The following STXBP6 variants were observed in gnomAD, a reference collection of about 807,000 sequenced individuals.
STXBP6 encodes the protein syntaxin binding protein 6.
A neutral mutation model predicts 26.9 loss-of-function variants in STXBP6; 21 were observed. The observed-to-expected ratio is 0.78, with a 90% CI of 0.55 to 1.12. The LOEUF (loss-of-function observed/expected upper bound fraction) is 1.12. Ranked by LOEUF, STXBP6 falls within the 50% of genes most tolerant of loss-of-function variation. The pLI, the probability that STXBP6 is intolerant of heterozygous loss-of-function variation, is 0.00. For synonymous variants in STXBP6, 97 were observed against 92.6 expected (o/e 1.05, Z -0.27); for missense variants, 232 against 257.9 (o/e 0.90, Z 0.69).
chr14:24,854,642 G>A (rs2069264080), intron 4 of STXBP6, among the ~76,000 whole-genome samples: 3 of 152,048 alleles, frequency 2.0e-5, no homozygotes, highest in Admixed American at 2.0e-4. Context: ...TGAAAATGTG[G>A]CCCTCTGTGG....
At chr14:25,016,207 T>G (rs1360974440) in intron 1 of STXBP6, among the ~76,000 whole-genome samples, 2 of 152,190 alleles carry the variant, frequency 1.3e-5, no homozygotes, top group Non-Finnish European at 2.9e-5. Context: ...ATTCTTCTTT[T>G]TCACCCAAGG....
intron 2 of STXBP6, among the ~76,000 whole-genome samples, chr14:24,943,626 T>G (rs563138465): frequency 2.6e-5 from 4 of 152,348 alleles, no homozygotes; most frequent in African/African-American, 7.2e-5. Flanking sequence ...AGGAGGACAT[T>G]TGAAAACATA....
chr14:24,939,706 G>A (rs2072734251), intron 2 of STXBP6, among the ~76,000 whole-genome samples: 1 of 152,084 alleles, frequency 6.6e-6, no homozygotes, highest in South Asian at 2.1e-4. Flanking sequence ...ATAGCCACAT[G>A]GAAAACTACA....
chr14:24,829,275 C>T (rs933449917), intron 4 of STXBP6, among the ~76,000 whole-genome samples: 7 of 152,098 alleles, frequency 4.6e-5, no homozygotes, highest in Non-Finnish European at 8.8e-5. Context: ...TTGCATATGT[C>T]TTGTCTGTTT....
intron 2 of STXBP6, among the ~76,000 whole-genome samples, chr14:24,952,952 A>G (rs1029425327): frequency 3.3e-5 from 5 of 152,196 alleles, no homozygotes; most frequent in African/African-American, 1.2e-4. Context: ...ATACAAAGAC[A>G]TGTTCCTGCT....
chr14:24,996,035 G>A (rs1431048467), intron 1 of STXBP6, among the ~76,000 whole-genome samples: 1 of 152,108 alleles, frequency 6.6e-6, no homozygotes, highest in Non-Finnish European at 1.5e-5. Context: ...ATAAATTGTA[G>A]AGGGGATTCC....
At chr14:24,874,757 G>T (rs1205793153) in intron 2 of STXBP6, among the ~76,000 whole-genome samples, 1 of 152,180 alleles carries the variant, frequency 6.6e-6, no homozygotes, top group Non-Finnish European at 1.5e-5. Flanking sequence ...CCTGCTGGGG[G>T]TCTTAGACAA....
chr14:25,036,774 T>C lies in STXBP6; in HGVS notation c.-33+13104A>G, dbSNP rs1368995266. On this transcript the variant is annotated intron_variant, in intron 1 of 5. Transcript: ENST00000323944. The stretch of plus-strand genomic sequence containing the variant: ...AGGAGGCTGAGGTAGGAGAATGGCG[T>C]GAACCCAGGAGGCGGAGCTTGCAGT... 2.1e-5 allele frequency among the ~76,000 whole-genome samples: 3 copies of C among 145,370 alleles called. No individual in the cohort carries two copies. The East Asian group carries it at 6.1e-4, about 29-fold the overall frequency.
intron 1 of STXBP6, among the ~76,000 whole-genome samples, chr14:25,036,872 A>AG (rs1221877205): frequency 2.6e-5 from 4 of 151,888 alleles, no homozygotes; most frequent in East Asian, 3.9e-4. Context: ...AAAAAAAAAA[A>AG]AAAGAAATCA....
At chr14:24,880,111 C>T (rs1417253417) in intron 2 of STXBP6, among the ~76,000 whole-genome samples, 1 of 152,136 alleles carries the variant, frequency 6.6e-6, no homozygotes, top group East Asian at 1.9e-4. Flanking sequence ...TGGCATCTGT[C>T]TTCTCTCCTT....
intron 4 of STXBP6, among the ~76,000 whole-genome samples, chr14:24,829,985 G>A (rs2068409710): frequency 6.6e-6 from 1 of 152,160 alleles, no homozygotes; most frequent in African/African-American, 2.4e-5. Context: ...GACTGACTTA[G>A]AATCAGTTTG....
At position 24,809,496 on chromosome 14, in the gene STXBP6, CATTAGAACATATGTA is replaced by C. The variant is rs1188762738; in HGVS notation, c.*3198_*3212del. 2.0e-5 allele frequency among the ~76,000 whole-genome samples: 3 copies of C among 152,018 alleles called. No individual in the cohort carries two copies. The highest frequency in any genetic ancestry group is 4.4e-5 in the Non-Finnish European group (3 of 68,012). On this transcript the variant is annotated 3_prime_UTR_variant, in exon 6 of 6. Transcript: ENST00000323944. The stretch of plus-strand genomic sequence containing the variant: ...GTCTTTATTACATTCCAAGCTTTTC[CATTAGAACATATGTA>C]ATGACATTTTATCATCATGCTAATA...
chr14:24,833,896 T>C (rs780796148), intron 4 of STXBP6, among the ~76,000 whole-genome samples: 1 of 152,250 alleles, frequency 6.6e-6, no homozygotes, highest in Non-Finnish European at 1.5e-5. Flanking sequence ...AAACAGATTT[T>C]GGTTCTTCCT....
At chr14:24,955,978 G>T (rs1037321725) in intron 2 of STXBP6, among the ~76,000 whole-genome samples, 1 of 152,166 alleles carries the variant, frequency 6.6e-6, no homozygotes, top group Admixed American at 6.5e-5. Flanking sequence ...TGGTGTCGGT[G>T]TAAGACTCAA....
chr14:24,831,621 G>A (rs1225951865), intron 4 of STXBP6, among the ~76,000 whole-genome samples: 1 of 152,030 alleles, frequency 6.6e-6, no homozygotes, highest in East Asian at 1.9e-4. Context: ...GAGGTATGAG[G>A]CTTACTATCC....
chr14:24,871,370 ATGGC>A (rs1244465121), intron 2 of STXBP6, among the ~76,000 whole-genome samples: 3 of 152,220 alleles, frequency 2.0e-5, no homozygotes. Flanking sequence ...AAGTAGGAAG[ATGGC>A]ACTGAGGAAG....
chr14:24,833,278 T>G (rs1442686010), intron 4 of STXBP6, among the ~76,000 whole-genome samples: 1 of 152,170 alleles, frequency 6.6e-6, no homozygotes, highest in Non-Finnish European at 1.5e-5. Flanking sequence ...CCACAATTCC[T>G]CTTGTAGGAA....
At chr14:24,976,513 T>C (rs2074048520) in intron 1 of STXBP6, among the ~76,000 whole-genome samples, 1 of 152,148 alleles carries the variant, frequency 6.6e-6, no homozygotes. Context: ...CACCACCAGG[T>C]TCTTCATGCT....
At chr14:24,878,874 A>G in intron 2 of STXBP6, 1 of 425,088 alleles carries the variant, frequency 2.4e-6, no homozygotes, top group Non-Finnish European at 4.8e-6. Flanking sequence ...GCCTTTCCCT[A>G]TTCTTACTGA....
Sources: gnomAD v4.1 joint callset for allele counts (sites outside exome capture counted in the v4.1 genomes callset) on GRCh38, gnomAD v4.1.1 for gene constraint, MANE v1.5 for transcripts, NCBI Gene and HGNC (gene_info 2026-07-23, HGNC 2026-07-21) for gene names.